The following TANC2 variants were observed in gnomAD, a reference collection of about 807,000 sequenced individuals.
TANC2 encodes protein TANC2.
TANC2 carries 26 observed loss-of-function variants against 210.5 expected under a neutral mutation model. That is an observed-to-expected ratio of 0.12 (90% CI 0.09 to 0.17). TANC2 has a LOEUF of 0.17. Ranked by LOEUF, TANC2 falls within the 10% of genes least tolerant of loss-of-function variation. The pLI, the probability that TANC2 is intolerant of heterozygous loss-of-function variation, is 1.00. For synonymous variants in TANC2, 931 were observed against 967.1 expected, an observed-to-expected ratio of 0.96 and a Z score of 0.69; for missense variants, 2,129 against 2,608.9, an observed-to-expected ratio of 0.82 and a Z score of 4.01.
At chr17:63,164,180 G>T (rs1303826884) in intron 5 of TANC2, among the ~76,000 whole-genome samples, 1 of 148,316 alleles carries the variant, frequency 6.7e-6, no homozygotes, top group East Asian at 2.0e-4. Context: ...TGTTGGTCAG[G>T]CTGGAGTATA....
At chr17:62,992,981 T>C (rs528539518) in intron 1 of TANC2, among the ~76,000 whole-genome samples, 227 of 152,354 alleles carry the variant, frequency 1.5e-3, no homozygotes, top group Non-Finnish European at 2.2e-3. Context: ...GTTTTTTACC[T>C]TTTCCAGCTT....
chr17:62,991,516 G>GT (rs1368619241), intron 1 of TANC2, among the ~76,000 whole-genome samples: 1 of 151,680 alleles, frequency 6.6e-6, no homozygotes, highest in Non-Finnish European at 1.5e-5. Context: ...GCGGGGGCCC[G>GT]TAGGTCCCAA....
chr17:63,054,773 C>G (rs964032564), intron 2 of TANC2, among the ~76,000 whole-genome samples: 2 of 152,130 alleles, frequency 1.3e-5, no homozygotes, highest in African/African-American at 4.8e-5. Context: ...CTCTTATTGG[C>G]ATTAAGTGTA....
Position 63,419,189 on chromosome 17 carries a change from A to T in TANC2, c.4268+782A>T, listed in dbSNP as rs780922894. Reference sequence around the variant, plus strand: ...AGGGGCACATGGTCCCGAAAATCACACCCAGCTTGAGGCTAGTGATGGTGG... The same window carrying T: ...AGGGGCACATGGTCCCGAAAATCACTCCCAGCTTGAGGCTAGTGATGGTGG... On this transcript the variant is annotated intron_variant, in intron 27 of 27. Transcript: ENST00000689528. Among the ~76,000 whole-genome samples the T allele has an allele frequency of 2.3e-4, 35 of 152,066 alleles. 1 individual carries two copies. Among genetic ancestry groups the T allele is most frequent in the Non-Finnish European group, 1.5e-5 (1 of 68,022 alleles).
chr17:63,260,804 T>C (rs1053849593), intron 8 of TANC2, among the ~76,000 whole-genome samples: 4 of 152,262 alleles, frequency 2.6e-5, no homozygotes, highest in Middle Eastern at 3.4e-3. Flanking sequence ...TTCTGTGATA[T>C]TGCTTTATTA....
At chr17:63,275,088 T>C (rs1300931284) in intron 9 of TANC2, among the ~76,000 whole-genome samples, 2 of 152,192 alleles carry the variant, frequency 1.3e-5, no homozygotes, top group Non-Finnish European at 2.9e-5. Context: ...AATTGTAGCA[T>C]AGTGACTTTG....
intron 4 of TANC2, among the ~76,000 whole-genome samples, chr17:63,106,396 G>A (rs1411204138): frequency 6.6e-6 from 1 of 151,598 alleles, no homozygotes; most frequent in African/African-American, 2.4e-5. Flanking sequence ...GCAGAGTGGG[G>A]CAGAGGATAG....
rs562016338 is a variant in TANC2 at position 63,138,556 on chromosome 17, A to G, written c.323-12714A>G. On this transcript the variant is annotated intron_variant, in intron 4 of 27. Transcript: ENST00000689528. The stretch of plus-strand genomic sequence containing the variant: ...GGGCTACTTTAGGCTGTGTACTTGC[A>G]TATCCTGTCCCTTCTTGTCAATCTG... Among the ~76,000 whole-genome samples the G allele has an allele frequency of 2.6e-5, 4 of 152,240 alleles. No individual in the cohort carries two copies. In the South Asian group the frequency reaches 8.3e-4, roughly 32 times the overall value.
intron 3 of TANC2, among the ~76,000 whole-genome samples, chr17:63,097,572 A>G (rs894628488): frequency 5.0e-5 from 7 of 140,020 alleles, no homozygotes; most frequent in African/African-American, 1.9e-4. Flanking sequence ...AGCTTTAAAA[A>G]ATTGCAAAAA....
At chr17:63,364,549 A>G (rs570616333) in intron 14 of TANC2, among the ~76,000 whole-genome samples, 28 of 152,108 alleles carry the variant, frequency 1.8e-4, no homozygotes, top group Non-Finnish European at 5.9e-5. Context: ...ATGAGTTGGC[A>G]AGAATATACT....
In TANC2 at chr17:63,299,737, G is replaced by C. The variant is rs555411067; in HGVS notation, c.1160-14651G>C. 3.3e-5 allele frequency among the ~76,000 whole-genome samples: 5 copies of C among 152,096 alleles called. No homozygotes were observed. In the South Asian group the frequency reaches 6.2e-4, roughly 19 times the overall value. Reference sequence around the variant, plus strand: ...GTTTCTCCCATTCTGTAGATTGCCTGTTCACTCTGATGATGGTTTCTTTTG... The same window carrying C: ...GTTTCTCCCATTCTGTAGATTGCCTCTTCACTCTGATGATGGTTTCTTTTG... On this transcript the variant is annotated intron_variant, in intron 9 of 27. Transcript: ENST00000689528.
In TANC2 at chr17:63,105,350, A is replaced by G. The variant is rs2037785740; in HGVS notation, c.322+5993A>G. 3.3e-5 allele frequency among the ~76,000 whole-genome samples: 5 copies of G among 151,808 alleles called. No homozygotes were observed. The South Asian group carries it at 8.3e-4, about 25-fold the overall frequency. ...TTAGATGCTAGCTATGGCCAAAGCC[A>G]TGAATAAAAAGGAAACATTTACTTG... On this transcript the variant is annotated intron_variant, in intron 4 of 27. Coordinates refer to ENST00000689528, the Ensembl canonical transcript of TANC2.
At chr17:63,026,868 C>T (rs936082986) in intron 2 of TANC2, among the ~76,000 whole-genome samples, 2 of 152,056 alleles carry the variant, frequency 1.3e-5, no homozygotes, top group African/African-American at 4.8e-5. Context: ...ATATTTTAGC[C>T]TAAAGATTTA....
intron 15 of TANC2, among the ~76,000 whole-genome samples, chr17:63,382,690 C>T (rs2047650987): frequency 6.6e-6 from 1 of 152,218 alleles, no homozygotes. Context: ...CCCCATTTCT[C>T]TGTCTCCCTT....
intron 25 of TANC2, among the ~76,000 whole-genome samples, chr17:63,413,982 C>G (rs1374018856): frequency 6.6e-6 from 1 of 151,976 alleles, no homozygotes; most frequent in African/African-American, 2.4e-5. Flanking sequence ...TATGTTGATC[C>G]TAGCTTTCAT....
chr17:63,050,508 A>G (rs1260814601), intron 2 of TANC2, among the ~76,000 whole-genome samples: 3 of 152,218 alleles, frequency 2.0e-5, no homozygotes, highest in Non-Finnish European at 4.4e-5. Flanking sequence ...TGAGCTAACC[A>G]ATGGAATATA....
At chr17:63,057,130 G>C (rs377059219) in intron 2 of TANC2, among the ~76,000 whole-genome samples, 1 of 151,966 alleles carries the variant, frequency 6.6e-6, no homozygotes, top group East Asian at 1.9e-4. Flanking sequence ...GTCCAGTTGA[G>C]GGCATGTTTT....
At chr17:63,381,430 A>G (rs766078179) in intron 15 of TANC2, 1 of 152,222 alleles carries the variant, frequency 6.6e-6, no homozygotes, top group Admixed American at 6.5e-5. Context: ...GATCCTTTAA[A>G]TGCAGTGTTC....
intron 11 of TANC2, among the ~76,000 whole-genome samples, chr17:63,338,407 TCTTA>T (rs756521563): frequency 6.6e-6 from 1 of 152,210 alleles, no homozygotes; most frequent in South Asian, 2.1e-4. Context: ...AATGGTATCT[TCTTA>T]CTTTAGGATG....
Sources: allele counts gnomAD v4.1 joint callset (sites outside exome capture counted in the v4.1 genomes callset), GRCh38; gene constraint gnomAD v4.1.1; transcripts MANE v1.5; gene names NCBI Gene and HGNC (gene_info 2026-07-23, HGNC 2026-07-21).